The following EYS variants were observed in gnomAD, a reference collection of about 807,000 sequenced individuals.
The protein encoded by EYS is protein eyes shut homolog.
In EYS, 250 loss-of-function variants were observed where a neutral mutation model predicts 282.1. That is an observed-to-expected ratio of 0.89 (90% CI 0.80 to 0.98). The LOEUF is 0.98. EYS is among the 50% of genes least tolerant of loss of function. The pLI is 0.00. For synonymous variants in EYS, 1,355 were observed against 1,282.9 expected (o/e 1.06, Z -1.20); for missense variants, 4,016 against 3,709.0 (o/e 1.08, Z -2.15).
chr6:64,900,269 A>C (rs982038995), intron 18 of EYS, among the ~76,000 whole-genome samples: 6 of 152,214 alleles, frequency 3.9e-5, no homozygotes, highest in African/African-American at 1.2e-4. Flanking sequence ...ATCTAAACTC[A>C]TAAAAACTCT....
chr6:65,212,090 A>C (rs1766190434), intron 12 of EYS, among the ~76,000 whole-genome samples: 3 of 152,118 alleles, frequency 2.0e-5, no homozygotes, highest in Non-Finnish European at 4.4e-5. Flanking sequence ...TGCCAGAAAA[A>C]AAAAATTTAA....
intron 12 of EYS, among the ~76,000 whole-genome samples, chr6:65,064,413 TATATACC>T (rs1177350039): frequency 6.9e-6 from 1 of 145,884 alleles, no homozygotes; most frequent in African/African-American, 2.5e-5. Flanking sequence ...TCATATATAC[TATATACC>T]ATATACCATA....
chr6:64,231,558 T>TA (rs1375595827), intron 30 of EYS, among the ~76,000 whole-genome samples: 1 of 152,166 alleles, frequency 6.6e-6, no homozygotes, highest in Non-Finnish European at 1.5e-5. Context: ...ATATACTTTT[T>TA]ATGCCTTGTT....
At chr6:65,116,694 A>G (rs1026874206) in intron 12 of EYS, among the ~76,000 whole-genome samples, 1 of 152,192 alleles carries the variant, frequency 6.6e-6, no homozygotes, top group African/African-American at 2.4e-5. Context: ...CTATGAAAAC[A>G]AAACAAAACA....
At chr6:64,624,768 C>T (rs1447622003) in intron 23 of EYS, among the ~76,000 whole-genome samples, 1 of 152,136 alleles carries the variant, frequency 6.6e-6, no homozygotes, top group East Asian at 1.9e-4. Context: ...CTAATACTCT[C>T]ATGGCTATTA....
chr6:65,569,163 C>A (rs1178619768), intron 2 of EYS, among the ~76,000 whole-genome samples: 1 of 152,226 alleles, frequency 6.6e-6, no homozygotes, highest in East Asian at 1.9e-4. Context: ...TTGTGAAATT[C>A]CTTCTCCTGG....
intron 7 of EYS, among the ~76,000 whole-genome samples, chr6:65,395,634 T>C (rs1475308520): frequency 6.6e-6 from 1 of 152,156 alleles, no homozygotes; most frequent in Non-Finnish European, 1.5e-5. Flanking sequence ...CCAGAAGTTA[T>C]TCATCTTTTT....
chr6:65,604,266 A>G (rs1765706413), intron 2 of EYS, among the ~76,000 whole-genome samples: 1 of 151,976 alleles, frequency 6.6e-6, no homozygotes, highest in Admixed American at 6.6e-5. Flanking sequence ...TTGCTATAAA[A>G]CAGGAGGAAT....
intron 22 of EYS, among the ~76,000 whole-genome samples, chr6:64,630,210 C>T (rs1231418259): frequency 6.6e-6 from 1 of 152,178 alleles, no homozygotes. Context: ...ATTCCCCTCC[C>T]TCAGCTTCCC....
chr6:64,259,437 C>T (rs1202144339), intron 30 of EYS, among the ~76,000 whole-genome samples: 3 of 151,972 alleles, frequency 2.0e-5, no homozygotes, highest in Non-Finnish European at 2.9e-5. Flanking sequence ...TTCTCCCAGC[C>T]TCTTGCCAGA....
At chr6:64,766,894 G>A (rs1051045563) in intron 22 of EYS, among the ~76,000 whole-genome samples, 5 of 151,170 alleles carry the variant, frequency 3.3e-5, no homozygotes, top group African/African-American at 1.2e-4. Context: ...AGAATAATTT[G>A]TTTATAGTGA....
chr6:64,200,472 T>A (rs548206490), intron 31 of EYS, among the ~76,000 whole-genome samples: 6 of 152,218 alleles, frequency 3.9e-5, no homozygotes, highest in South Asian at 2.1e-4. Flanking sequence ...AGTTAAAAAA[T>A]TTTTATAAAG....
chr6:65,458,029 C>T (rs1274273812), intron 5 of EYS, among the ~76,000 whole-genome samples: 1 of 152,106 alleles, frequency 6.6e-6, no homozygotes, highest in East Asian at 1.9e-4. Context: ...CCTCCCCACT[C>T]ATAAAAAGCT....
At chr6:63,759,148 C>G (rs1015383958) in intron 41 of EYS, among the ~76,000 whole-genome samples, 2 of 152,094 alleles carry the variant, frequency 1.3e-5, no homozygotes, top group Non-Finnish European at 2.9e-5. Flanking sequence ...AGATATGTCT[C>G]TTAAAGTTCT....
At chr6:63,908,771 A>G (rs1325817436) in intron 35 of EYS, among the ~76,000 whole-genome samples, 2 of 152,152 alleles carry the variant, frequency 1.3e-5, no homozygotes, top group African/African-American at 2.4e-5. Context: ...TTCATTTTTA[A>G]TAAACCATCA....
chr6:63,740,654 T>A (rs1192638748), intron 41 of EYS, among the ~76,000 whole-genome samples: 2 of 152,204 alleles, frequency 1.3e-5, no homozygotes, highest in African/African-American at 4.8e-5. Flanking sequence ...ATTTTAAAGA[T>A]GAGATAGATG....
intron 12 of EYS, among the ~76,000 whole-genome samples, chr6:65,179,341 G>T (rs915042234): frequency 2.0e-5 from 3 of 151,654 alleles, no homozygotes; most frequent in African/African-American, 7.3e-5. Context: ...GAAGAGAGAA[G>T]AATCAAATAG....
intron 26 of EYS, among the ~76,000 whole-genome samples, chr6:64,537,031 A>T (rs1183759614): frequency 6.6e-6 from 1 of 151,204 alleles, no homozygotes; most frequent in Non-Finnish European, 1.5e-5. Flanking sequence ...TTATACTTTA[A>T]GTTTTAGGGT....
chr6:65,363,051 C>T (rs1038009696), intron 8 of EYS, among the ~76,000 whole-genome samples: 29 of 152,022 alleles, frequency 1.9e-4, no homozygotes, highest in African/African-American at 6.5e-4. Flanking sequence ...ATGCCTTTGC[C>T]ATGACATTAC....
Sources: allele counts gnomAD v4.1 joint callset (sites outside exome capture counted in the v4.1 genomes callset), GRCh38; gene constraint gnomAD v4.1.1; transcripts MANE v1.5; gene names NCBI Gene and HGNC (gene_info 2026-07-23, HGNC 2026-07-21).